SLC39A8: variants seen among roughly 807,000 people sequenced by gnomAD.
The protein encoded by SLC39A8 is metal cation symporter ZIP8.
Under a neutral mutation model 40.4 loss-of-function variants are expected in SLC39A8, and 15 were observed. The observed-to-expected ratio is 0.37, with a 90% CI of 0.25 to 0.57. SLC39A8 has a LOEUF of 0.57. Ranked by LOEUF, SLC39A8 falls within the 20% of genes least tolerant of loss-of-function variation. The pLI is 0.75. For missense variants in SLC39A8, 472 were observed against 558.8 expected, an observed-to-expected ratio of 0.84 and a Z score of 1.57; for synonymous variants, 223 against 221.6, an observed-to-expected ratio of 1.01 and a Z score of -0.06.
At chr4:102,307,044 A>G (rs1734206164) in intron 4 of SLC39A8, among the ~76,000 whole-genome samples, 2 of 152,112 alleles carry the variant, frequency 1.3e-5, no homozygotes, top group African/African-American at 4.8e-5. Flanking sequence ...TAAATACATT[A>G]TAAATTTACA....
At chr4:102,332,585 C>T (rs545354046) in intron 2 of SLC39A8, among the ~76,000 whole-genome samples, 21 of 152,324 alleles carry the variant, frequency 1.4e-4, no homozygotes, top group Non-Finnish European at 2.6e-4. Context: ...ATTAGTTCAA[C>T]CATTGGGAAA....
chr4:102,317,734 T>A (rs1734724458), intron 2 of SLC39A8, among the ~76,000 whole-genome samples: 1 of 152,118 alleles, frequency 6.6e-6, no homozygotes, highest in Non-Finnish European at 1.5e-5. Context: ...CTTACCCTAC[T>A]TGGACTTTAA....
chr4:102,306,925 A>AT (rs1472117836), intron 4 of SLC39A8, among the ~76,000 whole-genome samples: 1 of 151,974 alleles, frequency 6.6e-6, no homozygotes, highest in Non-Finnish European at 1.5e-5. Context: ...CTCAATTGAT[A>AT]TTTTTTCCAC....
At chr4:102,309,003 T>C (rs1734310987) in intron 3 of SLC39A8, among the ~76,000 whole-genome samples, 1 of 152,144 alleles carries the variant, frequency 6.6e-6, no homozygotes, top group African/African-American at 2.4e-5. Context: ...TTTTAGCATA[T>C]GCTTTATTAT....
At chr4:102,257,159 T>A (rs1578548997), downstream of SLC39A8, among the ~76,000 whole-genome samples, 2 of 147,770 alleles carry the variant, frequency 1.4e-5, no homozygotes, top group East Asian at 3.9e-4. Flanking sequence ...TTCTATGTCT[T>A]TTTTTTTTTT....
intron 6 of SLC39A8, among the ~76,000 whole-genome samples, chr4:102,289,868 G>A (rs994518310): frequency 6.6e-6 from 1 of 152,130 alleles, no homozygotes; most frequent in Non-Finnish European, 1.5e-5. Flanking sequence ...TGGTATAGAT[G>A]CTGTGAACAA....
chr4:102,327,644 T>A (rs1391043583), intron 2 of SLC39A8, among the ~76,000 whole-genome samples: 2 of 152,246 alleles, frequency 1.3e-5, no homozygotes, highest in Non-Finnish European at 2.9e-5. Flanking sequence ...GGATATTCCT[T>A]CAATAAGATC....
intron 2 of SLC39A8, among the ~76,000 whole-genome samples, chr4:102,316,538 C>A (rs1219983275): frequency 6.6e-6 from 1 of 152,034 alleles, no homozygotes; most frequent in Non-Finnish European, 1.5e-5. Flanking sequence ...ATGTTGTTCT[C>A]ACATTTTAAC....
At chr4:102,255,366 G>A (rs554959679) in intron 11 of SLC39A8, among the ~76,000 whole-genome samples, 22 of 152,284 alleles carry the variant, frequency 1.4e-4, no homozygotes, top group South Asian at 2.1e-4. Flanking sequence ...TAACTGAAAA[G>A]TACTAAGGAT....
At chr4:102,327,070 C>T (rs923793625) in intron 2 of SLC39A8, among the ~76,000 whole-genome samples, 1 of 152,092 alleles carries the variant, frequency 6.6e-6, no homozygotes, top group African/African-American at 2.4e-5. Flanking sequence ...TCACTTAAGC[C>T]CAGGAGTTCA....
intron 11 of SLC39A8, among the ~76,000 whole-genome samples, chr4:102,255,993 G>A (rs930710164): frequency 1.3e-5 from 2 of 152,116 alleles, no homozygotes; most frequent in African/African-American, 4.8e-5. Context: ...CAAATTAAAA[G>A]ATTTTTTCAT....
chr4:102,258,962 T>G (rs1253583123), downstream of SLC39A8, among the ~76,000 whole-genome samples: 2 of 152,204 alleles, frequency 1.3e-5, no homozygotes, highest in Non-Finnish European at 2.9e-5. Flanking sequence ...CATGGGAATA[T>G]TCGTCTACCT....
intron 2 of SLC39A8, among the ~76,000 whole-genome samples, chr4:102,342,028 A>T (rs1735965948): frequency 6.6e-6 from 1 of 152,220 alleles, no homozygotes; most frequent in Admixed American, 6.5e-5. Flanking sequence ...TGTATTCCTC[A>T]GGGTATGTAA....
At chr4:102,338,713 A>T (rs1407572858) in intron 2 of SLC39A8, among the ~76,000 whole-genome samples, 2 of 152,206 alleles carry the variant, frequency 1.3e-5, no homozygotes, top group East Asian at 1.9e-4. Flanking sequence ...ACTATAGCAT[A>T]GTGTGTAAGA....
intron 2 of SLC39A8, 122 bp from the exon 3 acceptor site, chr4:102,315,952 A>T: frequency 1.3e-6 from 1 of 765,676 alleles, no homozygotes; most frequent in South Asian, 4.5e-5. Flanking sequence ...ACAAAAGCCC[A>T]CCACAGAAAT....
chr4:102,274,384 T>C (rs772353632), intron 6 of SLC39A8, among the ~76,000 whole-genome samples: 9 of 152,028 alleles, frequency 5.9e-5, no homozygotes, highest in Non-Finnish European at 1.2e-4. Flanking sequence ...AAATAAAGCA[T>C]GAAGACAAGA....
At chr4:102,320,886 C>G (rs1430074536) in intron 2 of SLC39A8, among the ~76,000 whole-genome samples, 1 of 151,256 alleles carries the variant, frequency 6.6e-6, no homozygotes, top group African/African-American at 2.4e-5. Flanking sequence ...TTTACCACTT[C>G]GACTGCTGTT....
chr4:102,313,091 C>T (rs1201293257), intron 3 of SLC39A8, among the ~76,000 whole-genome samples: 1 of 152,074 alleles, frequency 6.6e-6, no homozygotes, highest in Non-Finnish European at 1.5e-5. Flanking sequence ...TACTGTTATT[C>T]ACAAAATTGC....
intron 6 of SLC39A8, among the ~76,000 whole-genome samples, chr4:102,281,135 C>T (rs939939881): frequency 6.6e-6 from 1 of 152,032 alleles, no homozygotes; most frequent in Non-Finnish European, 1.5e-5. Context: ...TATAAAAAGC[C>T]CATAAAATGT....
Sources: allele counts gnomAD v4.1 joint callset (sites outside exome capture counted in the v4.1 genomes callset), GRCh38; gene constraint gnomAD v4.1.1; transcripts MANE v1.5; gene names NCBI Gene and HGNC (gene_info 2026-07-23, HGNC 2026-07-21).